The following UBAP1 variants were observed in gnomAD, a reference collection of about 807,000 sequenced individuals.
The protein encoded by UBAP1 is ubiquitin associated protein 1, also known as ubiquitin-associated protein 1.
UBAP1 carries 5 observed loss-of-function variants against 39.0 expected under a neutral mutation model. The observed-to-expected ratio is 0.13, with a 90% CI of 0.07 to 0.27. The LOEUF (loss-of-function observed/expected upper bound fraction) is 0.27, where lower values mean the gene tolerates loss of function less well. UBAP1 is among the 10% of genes least tolerant of loss of function. The pLI is 1.00. For missense variants in UBAP1, 490 were observed against 608.1 expected (o/e 0.81, Z 2.04); for synonymous variants, 211 against 225.1 (o/e 0.94, Z 0.56).
Position 34,189,798 on chromosome 9 carries a change from G to A in UBAP1, c.-8+10558G>A, listed in dbSNP as rs571081978. ...ATTACGGGCGTGCTCCACCATGCTC[G>A]ATTAATTTTGTATTTTTAGTAGAGA... On this transcript the variant is annotated intron_variant, in intron 1 of 6. Transcript: ENST00000297661. Among the ~76,000 whole-genome samples the A allele has an allele frequency of 7.2e-5, 11 of 151,870 alleles. 1 individual carries two copies. The highest frequency in any genetic ancestry group is 2.4e-4 in the African/African-American group (10 of 41,444).
In UBAP1 at chr9:34,252,232, T is replaced by C. The variant is rs940195886; in HGVS notation, c.*700T>C. 1.3e-5 allele frequency: 2 copies of C among 152,614 alleles called. No homozygotes were observed. Among genetic ancestry groups the C allele is most frequent in the South Asian group, 2.1e-4 (1 of 4,830 alleles). The allele number at this position is 152,614 out of a possible 1,614,324, so 9.5% of individuals were successfully genotyped here. A position where few individuals can be genotyped will look rare whatever the true frequency, so the allele number is the denominator to read the frequency against. On this transcript the variant is annotated 3_prime_UTR_variant, in exon 7 of 7. Coordinates refer to ENST00000297661, the MANE Select transcript of UBAP1 (RefSeq NM_016525.5). ...CTCTAGGAAACAGTTTAAGAAATCA[T>C]TGGCCCCTTCCCAGCACATTGAATG...
At chr9:34,217,783 CTTTTTT>C (rs750494361) in intron 1 of UBAP1, among the ~76,000 whole-genome samples, 9 of 41,212 alleles carry the variant, frequency 2.2e-4, no homozygotes, top group East Asian at 8.0e-4. Flanking sequence ...GGATTTCGTT[CTTTTTT>C]TTTTTTTTTT....
chr9:34,234,067 C>T, intron 2 of UBAP1, 149 bp from the exon 3 acceptor site: 1 of 737,242 alleles, frequency 1.4e-6, no homozygotes, highest in Non-Finnish European at 2.1e-6. Flanking sequence ...GATTTAGGGT[C>T]AAGGAAAAGG....
chr9:34,224,615 C>T (rs932778582), intron 2 of UBAP1: 9 of 385,638 alleles, frequency 2.3e-5, no homozygotes, highest in Middle Eastern at 8.5e-4. Context: ...TCAGTTCTCC[C>T]GAGAGATGCC....
In UBAP1 at chr9:34,187,277, A is replaced by G. The variant is rs1020172023; in HGVS notation, c.-8+8037A>G. ...CCAGGCATGTTGTTTTAATAAATAC[A>G]GTAGTATACCTATCTATAATGTGGT... On this transcript the variant is annotated intron_variant, in intron 1 of 6. Coordinates refer to ENST00000297661, the MANE Select transcript of UBAP1 (RefSeq NM_016525.5). 3.3e-5 allele frequency among the ~76,000 whole-genome samples: 5 copies of G among 152,240 alleles called. No individual in the cohort carries two copies. In the East Asian group the frequency reaches 7.7e-4, roughly 23 times the overall value.
At chr9:34,233,349 G>C (rs1006351142) in intron 2 of UBAP1, among the ~76,000 whole-genome samples, 1 of 151,766 alleles carries the variant, frequency 6.6e-6, no homozygotes, top group Non-Finnish European at 1.5e-5. Flanking sequence ...AGCCTCCTGA[G>C]TAGCTGGGTT....
chr9:34,195,925 T>C (rs1488844166), intron 1 of UBAP1, among the ~76,000 whole-genome samples: 1 of 122,464 alleles, frequency 8.2e-6, no homozygotes, highest in Admixed American at 9.7e-5. Flanking sequence ...ACAAATTTTT[T>C]GGTTTTTTTT....
At chr9:34,194,791 A>T (rs1216138086) in intron 1 of UBAP1, among the ~76,000 whole-genome samples, 2 of 152,120 alleles carry the variant, frequency 1.3e-5, no homozygotes, top group Non-Finnish European at 2.9e-5. Context: ...AGTTACTATT[A>T]TCTCTATTTT....
chr9:34,238,024 C>A (rs1833788950), intron 3 of UBAP1, among the ~76,000 whole-genome samples: 1 of 152,226 alleles, frequency 6.6e-6, no homozygotes, highest in African/African-American at 2.4e-5. Flanking sequence ...CCTCTGGCAG[C>A]CTCCTCGCAG....
At chr9:34,195,939 T>G (rs866926802) in intron 1 of UBAP1, among the ~76,000 whole-genome samples, 68 of 107,136 alleles carry the variant, frequency 6.3e-4, no homozygotes, top group African/African-American at 2.1e-3. Context: ...TTTTTTTTTT[T>G]TTTTTTTTTT....
chr9:34,206,919 A>G (rs182816513), intron 1 of UBAP1, among the ~76,000 whole-genome samples: 3 of 152,076 alleles, frequency 2.0e-5, no homozygotes, highest in African/African-American at 7.2e-5. Flanking sequence ...TGTTCCACTA[A>G]TCTGTATTTG....
At chr9:34,189,150 G>A (rs1322273378) in intron 1 of UBAP1, among the ~76,000 whole-genome samples, 1 of 151,156 alleles carries the variant, frequency 6.6e-6, no homozygotes, top group East Asian at 1.9e-4. Flanking sequence ...GATATGGGCA[G>A]TAACTTCCCC....
chr9:34,201,833 A>G (rs1406146449), intron 1 of UBAP1, among the ~76,000 whole-genome samples: 1 of 152,082 alleles, frequency 6.6e-6, no homozygotes, highest in Non-Finnish European at 1.5e-5. Context: ...CTGGGCCTCA[A>G]GTGCTTCTGA....
At chr9:34,231,153 G>GTGTGTGTGTT (rs1277308414) in intron 2 of UBAP1, among the ~76,000 whole-genome samples, 1 of 151,158 alleles carries the variant, frequency 6.6e-6, no homozygotes, top group Non-Finnish European at 1.5e-5. Context: ...GTGTGTGTGT[G>GTGTGTGTGTT]TGTGTGTGTG....
chr9:34,217,202 T>G (rs1401359405), intron 1 of UBAP1, among the ~76,000 whole-genome samples: 1 of 152,148 alleles, frequency 6.6e-6, no homozygotes, highest in Admixed American at 6.6e-5. Context: ...GTCATCTGAT[T>G]TACCATCCTG....
intron 1 of UBAP1, among the ~76,000 whole-genome samples, chr9:34,209,227 C>T (rs1397697907): frequency 1.3e-5 from 2 of 152,136 alleles, no homozygotes; most frequent in Non-Finnish European, 2.9e-5. Context: ...AGGCGTGAGC[C>T]ACCACGCCTG....
intron 1 of UBAP1, among the ~76,000 whole-genome samples, chr9:34,190,802 CTTTTTT>C (rs373942127): frequency 8.6e-6 from 1 of 116,648 alleles, no homozygotes; most frequent in Non-Finnish European, 1.7e-5. Flanking sequence ...ATGCCTGGCT[CTTTTTT>C]TTTTTTTTTT....
Position 34,205,249 on chromosome 9 carries a change from T to G in UBAP1, c.-7-15659T>G, listed in dbSNP as rs1473021411. On this transcript the variant is annotated intron_variant, in intron 1 of 6. Coordinates refer to ENST00000297661, the MANE Select transcript of UBAP1 (RefSeq NM_016525.5). ...TCAGGCTAGTCTTGAACTCCTGGGCTCAAGTGATCTTCCAGTCTCCCAAAG... is the reference window on the plus strand; with the variant it reads ...TCAGGCTAGTCTTGAACTCCTGGGCGCAAGTGATCTTCCAGTCTCCCAAAG... Among the ~76,000 whole-genome samples the G allele has an allele frequency of 3.9e-5, 6 of 152,166 alleles. No individual in the cohort carries two copies. The East Asian group carries it at 1.2e-3, about 29-fold the overall frequency.
chr9:34,183,375 G>C (rs561151521), intron 1 of UBAP1, among the ~76,000 whole-genome samples: 4 of 151,364 alleles, frequency 2.6e-5, no homozygotes, highest in Admixed American at 6.6e-5. Context: ...AATCCCGTCT[G>C]TACTAAAAAA....
Sources: allele counts gnomAD v4.1 joint callset (sites outside exome capture counted in the v4.1 genomes callset), GRCh38; gene constraint gnomAD v4.1.1; transcripts MANE v1.5; gene names NCBI Gene and HGNC (gene_info 2026-07-23, HGNC 2026-07-21).